Variants in PSMA1 observed in about 807,000 individuals in gnomAD.
PSMA1 encodes proteasome 20S subunit alpha 1.
PSMA1 carries 3 observed loss-of-function variants against 38.4 expected under a neutral mutation model. The observed-to-expected ratio is 0.08, with a 90% confidence interval of 0.04 to 0.20. The LOEUF (loss-of-function observed/expected upper bound fraction) is 0.20. Among genes scored for constraint, PSMA1 ranks in the 10% least tolerant of loss-of-function variants. The probability of loss-of-function intolerance (pLI) is 1.00; values close to 1 mark genes in which losing one functional copy is unlikely to be tolerated. For missense variants in PSMA1, 227 were observed against 325.3 expected, an observed-to-expected ratio of 0.70 and a Z score of 2.32; for synonymous variants, 101 against 107.1, an observed-to-expected ratio of 0.94 and a Z score of 0.35.
intron 2 of PSMA1, among the ~76,000 whole-genome samples, chr11:14,561,354 C>T (rs996418886): frequency 7.9e-5 from 12 of 152,178 alleles, no homozygotes; most frequent in African/African-American, 2.7e-4. Flanking sequence ...CTATACATCT[C>T]CACATAGTTG....
At chr11:14,641,034 T>C (rs549913760) in intron 1 of PSMA1, among the ~76,000 whole-genome samples, 2 of 150,742 alleles carry the variant, frequency 1.3e-5, no homozygotes, top group South Asian at 4.2e-4. Flanking sequence ...CACTAAGGAG[T>C]GGAGAGATGA....
intron 1 of PSMA1, among the ~76,000 whole-genome samples, chr11:14,628,606 G>A (rs1458443949): frequency 2.7e-5 from 4 of 149,484 alleles, no homozygotes; most frequent in Non-Finnish European, 4.5e-5. Context: ...TTGCTATTGC[G>A]AATAATGCCG....
chr11:14,588,665 C>T (rs1590001113), intron 2 of PSMA1, among the ~76,000 whole-genome samples: 1 of 152,106 alleles, frequency 6.6e-6, no homozygotes, highest in East Asian at 1.9e-4. Context: ...GTTTAGCATA[C>T]GAGTGTCTCA....
intron 1 of PSMA1, among the ~76,000 whole-genome samples, chr11:14,629,534 T>A (rs923844423): frequency 8.6e-5 from 13 of 151,956 alleles, no homozygotes; most frequent in Non-Finnish European, 1.9e-4. Flanking sequence ...TATATCTCTG[T>A]TTTGGTACCA....
chr11:14,609,612 G>GC (rs1385210410), intron 2 of PSMA1, among the ~76,000 whole-genome samples: 1 of 152,168 alleles, frequency 6.6e-6, no homozygotes, highest in African/African-American at 2.4e-5. Context: ...CAAGCCATGT[G>GC]CCTATGTAGT....
intron 2 of PSMA1, among the ~76,000 whole-genome samples, chr11:14,588,241 C>T (rs1216036465): frequency 6.6e-6 from 1 of 152,164 alleles, no homozygotes; most frequent in Admixed American, 6.5e-5. Context: ...GAAAAGAAAA[C>T]TTTCAACAGG....
intron 8 of PSMA1, 61 bp from the exon 9 acceptor site, chr11:14,507,827 T>C: frequency 9.0e-7 from 1 of 1,109,296 alleles, no homozygotes; most frequent in Non-Finnish European, 1.3e-6. Context: ...ATACATACGA[T>C]AAAATATTGG....
At chr11:14,595,782 A>G (rs1338352914) in intron 2 of PSMA1, among the ~76,000 whole-genome samples, 1 of 152,094 alleles carries the variant, frequency 6.6e-6, no homozygotes, top group Non-Finnish European at 1.5e-5. Context: ...TTTTGCTGCC[A>G]TTGCTTTTGG....
intron 2 of PSMA1, among the ~76,000 whole-genome samples, chr11:14,557,111 A>C (rs1272970770): frequency 1.3e-5 from 2 of 152,226 alleles, no homozygotes; most frequent in Non-Finnish European, 2.9e-5. Context: ...CTGGGAATCC[A>C]GGCATAAGCG....
chr11:14,516,113 G>A (rs1851422271), intron 4 of PSMA1, among the ~76,000 whole-genome samples: 1 of 151,582 alleles, frequency 6.6e-6, no homozygotes, highest in Non-Finnish European at 1.5e-5. Flanking sequence ...GGGAGGCTGA[G>A]GCAGAAGAAT....
chr11:14,554,797 C>G (rs1278618265), intron 2 of PSMA1, among the ~76,000 whole-genome samples: 1 of 152,082 alleles, frequency 6.6e-6, no homozygotes, highest in Non-Finnish European at 1.5e-5. Context: ...GTTCTAAGTA[C>G]TTCACATGCA....
At chr11:14,606,962 C>A (rs1017045529) in intron 2 of PSMA1, among the ~76,000 whole-genome samples, 81 of 152,176 alleles carry the variant, frequency 5.3e-4, no homozygotes, top group Admixed American at 2.4e-3. Context: ...ACCTGCTGGT[C>A]TCCCTGTGCA....
At chr11:14,617,012 T>C (rs1217199935) in intron 1 of PSMA1, among the ~76,000 whole-genome samples, 1 of 152,212 alleles carries the variant, frequency 6.6e-6, no homozygotes, top group Non-Finnish European at 1.5e-5. Context: ...TTCTCTAGGC[T>C]TCCTTACATG....
chr11:14,514,372 A>G, intron 5 of PSMA1, 31 bp downstream of exon 5: 1 of 1,578,238 alleles, frequency 6.3e-7, no homozygotes, highest in Non-Finnish European at 8.6e-7. Flanking sequence ...TTCAAAGTTC[A>G]TATCCATAAA....
At chr11:14,614,516 T>A (rs1317993264) in intron 1 of PSMA1, among the ~76,000 whole-genome samples, 1 of 152,168 alleles carries the variant, frequency 6.6e-6, no homozygotes, top group Non-Finnish European at 1.5e-5. Flanking sequence ...CTGTTAGTGA[T>A]CCATAGGCAT....
At chr11:14,635,952 A>G (rs944141418) in intron 1 of PSMA1, among the ~76,000 whole-genome samples, 51 of 152,316 alleles carry the variant, frequency 3.3e-4, no homozygotes, top group Non-Finnish European at 2.9e-4. Context: ...AAATGTAGGG[A>G]AGACTGTAGG....
At chr11:14,513,445 A>T (rs1453634728) in intron 7 of PSMA1, 125 bp downstream of exon 7, 6 of 1,102,422 alleles carry the variant, frequency 5.4e-6, no homozygotes, top group Non-Finnish European at 5.8e-6. Context: ...CATGGGCATA[A>T]TTTTTTTTAA....
chr11:14,541,047 C>A (rs1425140676), intron 2 of PSMA1, among the ~76,000 whole-genome samples: 1 of 151,892 alleles, frequency 6.6e-6, no homozygotes, highest in East Asian at 1.9e-4. Context: ...ATGTAACAAA[C>A]CTGCACGTTG....
At chr11:14,529,859 G>A (rs1159522310) in intron 2 of PSMA1, among the ~76,000 whole-genome samples, 1 of 152,130 alleles carries the variant, frequency 6.6e-6, no homozygotes, top group Non-Finnish European at 1.5e-5. Flanking sequence ...CGTAGCCCTG[G>A]TCTAATCCAA....
Sources: gnomAD v4.1 joint callset for allele counts (sites outside exome capture counted in the v4.1 genomes callset) on GRCh38, gnomAD v4.1.1 for gene constraint, MANE v1.5 for transcripts, NCBI Gene and HGNC (gene_info 2026-07-23, HGNC 2026-07-21) for gene names.